UNC13B: variants seen among roughly 807,000 people sequenced by gnomAD.
UNC13B encodes the protein unc-13 homolog B.
A neutral mutation model predicts 211.0 loss-of-function variants in UNC13B; 144 were observed. The observed-to-expected ratio is 0.68, with a 90% CI of 0.60 to 0.78. The LOEUF (loss-of-function observed/expected upper bound fraction) is 0.78, where lower values mean the gene tolerates loss of function less well. Ranked by LOEUF, UNC13B falls within the 30% of genes least tolerant of loss-of-function variation. UNC13B has a pLI of 0.00. For missense variants in UNC13B, 1,777 were observed against 2,002.0 expected (o/e 0.89, Z 2.14); for synonymous variants, 709 against 725.8 (o/e 0.98, Z 0.37).
At chr9:35,221,080 T>A (rs930686656) in intron 1 of UNC13B, among the ~76,000 whole-genome samples, 1 of 152,148 alleles carries the variant, frequency 6.6e-6, no homozygotes, top group Non-Finnish European at 1.5e-5. Flanking sequence ...ATTTATTTAT[T>A]TATTTTGAGA....
chr9:35,173,425 CT>C (rs11306638), intron 1 of UNC13B, among the ~76,000 whole-genome samples: 7,128 of 142,346 alleles, frequency 0.05, 352 homozygotes, highest in East Asian at 0.31. Context: ...CATAATCTAT[CT>C]TTTTTTTTTT....
intron 1 of UNC13B, among the ~76,000 whole-genome samples, chr9:35,189,558 C>T (rs1201642905): frequency 6.6e-6 from 1 of 152,176 alleles, no homozygotes; most frequent in Non-Finnish European, 1.5e-5. Flanking sequence ...TATTTAAGTG[C>T]TTATTTTTCT....
intron 12 of UNC13B, among the ~76,000 whole-genome samples, chr9:35,368,947 A>G (rs921671805): frequency 6.6e-6 from 1 of 152,206 alleles, no homozygotes; most frequent in Non-Finnish European, 1.5e-5. Flanking sequence ...ACACATGTCA[A>G]TGGGACATAT....
intron 30 of UNC13B, 112 bp downstream of exon 30, chr9:35,397,824 TC>T: frequency 1.8e-6 from 2 of 1,117,262 alleles, no homozygotes; most frequent in Non-Finnish European, 2.6e-6. Context: ...GATGCCTGAT[TC>T]CCACCATGGC....
rs372651351 is a variant in UNC13B at position 35,327,311 on chromosome 9, T to C, written c.9414+13322T>C. On this transcript the variant is annotated intron_variant, in intron 11 of 39. Transcript: ENST00000635942. ...TTACAAGGTGAAGTCCCATGCATGA[T>C]AGGCTGTCTGCAAGCTGGAGAAAGA... 7.5e-4 allele frequency among the ~76,000 whole-genome samples: 114 copies of C among 152,288 alleles called. 1 individual carries two copies. The South Asian group carries it at 0.018, about 24-fold the overall frequency.
At chr9:35,279,498 A>G (rs926395496) in intron 7 of UNC13B, among the ~76,000 whole-genome samples, 25 of 152,200 alleles carry the variant, frequency 1.6e-4, no homozygotes, top group African/African-American at 6.0e-4. Context: ...TAGTGCTGCT[A>G]TGAACAACAG....
At chr9:35,254,958 T>TAATATATTATATTATATATTAATATATG (rs1826749550) in intron 6 of UNC13B, among the ~76,000 whole-genome samples, 1 of 117,658 alleles carries the variant, frequency 8.5e-6, no homozygotes, top group Non-Finnish European at 1.6e-5. Flanking sequence ...GTATATAATA[T>TAATATATTATATTATATATTAATATATG]AATATATTAT....
chr9:35,378,212 G>T, intron 16 of UNC13B, 83 bp from the exon 17 acceptor site: 2 of 1,567,586 alleles, frequency 1.3e-6, no homozygotes, highest in African/African-American at 2.7e-5. Flanking sequence ...AGCATAGACT[G>T]CTCTAAGATG....
chr9:35,351,049 G>A (rs1461163234), intron 11 of UNC13B, among the ~76,000 whole-genome samples: 7 of 152,204 alleles, frequency 4.6e-5, no homozygotes, highest in East Asian at 1.9e-4. Context: ...TCTCAATATC[G>A]TTGACTTTGG....
At chr9:35,260,802 T>C (rs958298540) in intron 7 of UNC13B, among the ~76,000 whole-genome samples, 2 of 152,268 alleles carry the variant, frequency 1.3e-5, no homozygotes, top group South Asian at 4.1e-4. Flanking sequence ...AATGAGTTCA[T>C]TGTGATTGAT....
At chr9:35,164,418 A>G (rs1439225678) in intron 1 of UNC13B, among the ~76,000 whole-genome samples, 1 of 152,234 alleles carries the variant, frequency 6.6e-6, no homozygotes, top group Non-Finnish European at 1.5e-5. Context: ...TTACAACTCA[A>G]TTTCAATTCA....
chr9:35,295,708 C>G lies in UNC13B; in HGVS notation c.539C>G (p.Pro180Arg). ...GCTTATTCCATAGCTTTTGAAGACC[C>G]TGATAGTGCCGTCGATGACCGAGAT... ...TAAAQCSFED[P>R]DSAVDDRDSD... The change falls in exon 8 of 40, where the codon CCT (proline) becomes CGT (arginine). Residue 180 changes from proline to arginine, a missense_variant. Physicochemically the swap from Pro to Arg is moderately radical, Grantham distance 103. Transcript: ENST00000635942. 1.2e-6 allele frequency: 2 copies of G among 1,614,044 alleles called. No individual in the cohort carries two copies. Among genetic ancestry groups the G allele is most frequent in the Non-Finnish European group, 1.7e-6 (2 of 1,179,984 alleles).
At chr9:35,253,375 A>C (rs538473386) in intron 6 of UNC13B, among the ~76,000 whole-genome samples, 13 of 152,240 alleles carry the variant, frequency 8.5e-5, no homozygotes, top group African/African-American at 3.1e-4. Flanking sequence ...TTTTGATACT[A>C]AAATGATCTC....
At chr9:35,402,584 G>A (rs1437900093) in intron 37 of UNC13B, among the ~76,000 whole-genome samples, 1 of 151,994 alleles carries the variant, frequency 6.6e-6, no homozygotes, top group Non-Finnish European at 1.5e-5. Context: ...ACCTGGCCAG[G>A]TGTTTTCTTA....
At chr9:35,214,779 C>T (rs971679582) in intron 1 of UNC13B, among the ~76,000 whole-genome samples, 3 of 151,964 alleles carry the variant, frequency 2.0e-5, no homozygotes, top group Admixed American at 1.3e-4. Flanking sequence ...AGATTAAGAC[C>T]GTAATAGTAA....
Position 35,381,593 on chromosome 9 carries a change from G to A in UNC13B, c.10529G>A (p.Gly3510Glu), listed in dbSNP as rs755433104. ...TACCTCACAGACATTCAGGGCAGTG[G>A]AGGAGTCCGCATCCCTGAAGCTCGA... ...FHYLTDIQGSGGVRIPEARGD... is the reference protein window; with the variant it reads ...FHYLTDIQGSEGVRIPEARGD... Residue 3510 changes from glycine to glutamate, a missense_variant, in exon 20 of 40, where the codon GGA becomes GAA. Physicochemically the swap from Gly to Glu is moderately conservative, Grantham distance 98 (BLOSUM62 -2). Coordinates refer to ENST00000635942, the MANE Select transcript of UNC13B (RefSeq NM_001371189.2). 7 of 1,614,208 alleles carry A rather than the reference G, an allele frequency of 4.3e-6. No homozygotes were observed. The highest frequency in any genetic ancestry group is 5.9e-6 in the Non-Finnish European group (7 of 1,180,026).
Position 35,400,354 on chromosome 9 carries a change from A to T in UNC13B, c.12395A>T (p.Asp4132Val). Residue 4132 changes from aspartate to valine, a missense_variant, in exon 37 of 40, where the codon GAT becomes GTT. By Grantham distance (152) the Asp-to-Val change is radical. Coordinates refer to ENST00000635942, the MANE Select transcript of UNC13B (RefSeq NM_001371189.2). The stretch of plus-strand genomic sequence containing the variant: ...AAAACCTTCCTGGAGAAGAGCCCAG[A>T]TCTGCAGTCTCTACGCTATGCCCTG... ...LKKTFLEKSPDLQSLRYALSL... is the reference protein window; with the variant it reads ...LKKTFLEKSPVLQSLRYALSL... The T allele has an allele frequency of 6.2e-7, 1 of 1,614,136 alleles. No individual in the cohort carries two copies. Among genetic ancestry groups the T allele is most frequent in the Non-Finnish European group, 8.5e-7 (1 of 1,180,016 alleles).
intron 11 of UNC13B, among the ~76,000 whole-genome samples, chr9:35,348,602 T>G (rs1832519678): frequency 6.6e-6 from 1 of 152,190 alleles, no homozygotes; most frequent in African/African-American, 2.4e-5. Context: ...GGTTGGATGC[T>G]TGCTTTAGAT....
chr9:35,359,598 C>G (rs1025578357), intron 11 of UNC13B, among the ~76,000 whole-genome samples: 2 of 152,180 alleles, frequency 1.3e-5, no homozygotes, highest in Non-Finnish European at 2.9e-5. Flanking sequence ...TCTTTCTTAC[C>G]CATGAGTGGC....
Sources: gnomAD v4.1 joint callset for allele counts (sites outside exome capture counted in the v4.1 genomes callset) on GRCh38, gnomAD v4.1.1 for gene constraint, MANE v1.5 for transcripts, NCBI Gene and HGNC (gene_info 2026-07-23, HGNC 2026-07-21) for gene names.